NLGN1: variants seen among roughly 807,000 people sequenced by gnomAD.
The protein encoded by NLGN1 is neuroligin 1, also known as neuroligin-1.
In NLGN1, 12 loss-of-function variants were observed where a neutral mutation model predicts 65.5. The observed-to-expected ratio is 0.18, with a 90% CI of 0.12 to 0.30. The LOEUF (loss-of-function observed/expected upper bound fraction) is 0.30, where lower values mean the gene tolerates loss of function less well. NLGN1 is among the 10% of genes least tolerant of loss of function. The pLI is 1.00. For synonymous variants in NLGN1, 350 were observed against 359.5 expected, an observed-to-expected ratio of 0.97 and a Z score of 0.30; for missense variants, 750 against 1,007.1, an observed-to-expected ratio of 0.74 and a Z score of 3.46.
At chr3:174,106,780 T>G (rs570760192) in intron 4 of NLGN1, among the ~76,000 whole-genome samples, 84 of 152,124 alleles carry the variant, frequency 5.5e-4, no homozygotes, top group Middle Eastern at 3.4e-3. Flanking sequence ...AGCCCCACTC[T>G]GAAGGCCTAA....
chr3:174,001,326 A>AT (rs1723248415), intron 4 of NLGN1, among the ~76,000 whole-genome samples: 2 of 151,686 alleles, frequency 1.3e-5, no homozygotes, highest in South Asian at 2.1e-4. Context: ...TTAGAAACAG[A>AT]TTTTTTTCTT....
rs996450274 is a variant in NLGN1, at chr3:173,920,441, C to T, written c.646+112609C>T. The T allele has an allele frequency of 2.0e-5, 3 of 152,154 alleles. No individual in the cohort carries two copies. In the East Asian group the frequency reaches 5.8e-4, roughly 29 times the overall value. 9.4% of individuals were successfully genotyped at this position (152,154 alleles called of 1,614,324 possible). A position where few individuals can be genotyped will look rare whatever the true frequency, so the allele number is the denominator to read the frequency against. ...CATCATATAAGAAAAATAGAAGACA[C>T]AGTCTGGCACAAAGTTTACTCAAAT... On this transcript the variant is annotated intron_variant, in intron 4 of 6. Transcript: ENST00000457714.
At position 173,724,876 on chromosome 3, in the gene NLGN1, C is replaced by T. The variant is rs62289918; in HGVS notation, c.494-82804C>T. Among the ~76,000 whole-genome samples, 5 of 152,264 alleles carry T rather than the reference C, an allele frequency of 3.3e-5. No individual in the cohort carries two copies. In the East Asian group the frequency reaches 9.7e-4, roughly 29 times the overall value. On this transcript the variant is annotated intron_variant, in intron 3 of 6. Coordinates refer to ENST00000457714, the Ensembl canonical transcript of NLGN1. ...CCATAAAAATGCATGAGTTCATGTCCTTTGTAGGGACATGGACGAAGCTGA... is the reference window on the plus strand; with the variant it reads ...CCATAAAAATGCATGAGTTCATGTCTTTTGTAGGGACATGGACGAAGCTGA...
At chr3:174,238,984 G>A (rs1742281255) in intron 4 of NLGN1, among the ~76,000 whole-genome samples, 1 of 152,034 alleles carries the variant, frequency 6.6e-6, no homozygotes, top group African/African-American at 2.4e-5. Context: ...TTGACTACCT[G>A]GGAGCTCATT....
chr3:174,012,441 C>A (rs780267191), intron 4 of NLGN1, among the ~76,000 whole-genome samples: 1 of 152,124 alleles, frequency 6.6e-6, no homozygotes, highest in Admixed American at 6.6e-5. Context: ...TCAAAAGGCA[C>A]AAGCCCTTAC....
intron 3 of NLGN1, among the ~76,000 whole-genome samples, chr3:173,756,823 GA>G (rs143107052): frequency 0.018 from 2,689 of 145,762 alleles, 63 homozygotes; most frequent in African/African-American, 0.059. Context: ...ACCTACGGTA[GA>G]AAAAAAAACA....
chr3:174,076,716 AGAGAGAGAGTGT>A (rs1253773292), intron 4 of NLGN1, among the ~76,000 whole-genome samples: 697 of 130,062 alleles, frequency 5.4e-3, no homozygotes, highest in African/African-American at 0.015. Context: ...AGAGAGAGAG[AGAGAGAGAGTGT>A]GTGTGTGTGT....
At chr3:174,269,326 T>G (rs912633295) in intron 4 of NLGN1, among the ~76,000 whole-genome samples, 1 of 151,988 alleles carries the variant, frequency 6.6e-6, no homozygotes, top group Non-Finnish European at 1.5e-5. Context: ...CATTAAATAC[T>G]AATTCCCCCT....
At chr3:174,127,072 G>A (rs1006534961) in intron 4 of NLGN1, among the ~76,000 whole-genome samples, 2 of 152,030 alleles carry the variant, frequency 1.3e-5, no homozygotes, top group Non-Finnish European at 2.9e-5. Context: ...TATAGGTTAT[G>A]TTTGACACCA....
At chr3:174,024,775 C>T (rs1728522057) in intron 4 of NLGN1, among the ~76,000 whole-genome samples, 1 of 152,154 alleles carries the variant, frequency 6.6e-6, no homozygotes, top group African/African-American at 2.4e-5. Context: ...CTTTTATCTG[C>T]TCATTGACAA....
intron 4 of NLGN1, among the ~76,000 whole-genome samples, chr3:174,062,567 A>G (rs1367364445): frequency 6.6e-6 from 1 of 152,084 alleles, no homozygotes. Context: ...TCTAAAAAAA[A>G]ACACTAATTA....
intron 2 of NLGN1, among the ~76,000 whole-genome samples, chr3:173,599,440 A>G (rs1750074672): frequency 6.6e-6 from 1 of 152,128 alleles, no homozygotes; most frequent in Non-Finnish European, 1.5e-5. Context: ...ACTAGTGTAT[A>G]TGAAACATTT....
chr3:174,288,205 T>C (rs117098285), downstream of NLGN1, among the ~76,000 whole-genome samples: 145 of 151,682 alleles, frequency 9.6e-4, 2 homozygotes, highest in East Asian at 0.013. Flanking sequence ...ATTAGTGAAT[T>C]CTATTGAGCC....
intron 4 of NLGN1, among the ~76,000 whole-genome samples, chr3:174,074,929 A>G (rs1248076057): frequency 6.6e-6 from 1 of 152,186 alleles, no homozygotes; most frequent in African/African-American, 2.4e-5. Flanking sequence ...TGTGATTGCT[A>G]GTATATAACA....
intron 2 of NLGN1, among the ~76,000 whole-genome samples, chr3:173,502,718 C>T (rs1731354498): frequency 6.6e-6 from 1 of 151,908 alleles, no homozygotes; most frequent in Non-Finnish European, 1.5e-5. Flanking sequence ...TGTAGAGCAA[C>T]TGGGAAAGAG....
At chr3:174,147,273 T>C (rs1723454928) in intron 4 of NLGN1, among the ~76,000 whole-genome samples, 1 of 152,030 alleles carries the variant, frequency 6.6e-6, no homozygotes, top group Admixed American at 6.6e-5. Flanking sequence ...AAAGTGAGGC[T>C]ACCTGGAGTC....
intron 4 of NLGN1, among the ~76,000 whole-genome samples, chr3:174,157,359 T>C (rs1345051334): frequency 6.6e-6 from 1 of 151,822 alleles, no homozygotes; most frequent in Non-Finnish European, 1.5e-5. Flanking sequence ...ATAAACAGTG[T>C]GGTATATTTT....
intron 4 of NLGN1, among the ~76,000 whole-genome samples, chr3:174,243,077 G>A (rs1257724670): frequency 6.6e-6 from 1 of 152,078 alleles, no homozygotes; most frequent in Non-Finnish European, 1.5e-5. Context: ...ATGATATGTT[G>A]GAGTTATTCA....
At chr3:173,800,863 TA>T (rs1215197696) in intron 3 of NLGN1, among the ~76,000 whole-genome samples, 1 of 152,004 alleles carries the variant, frequency 6.6e-6, no homozygotes, top group African/African-American at 2.4e-5. Flanking sequence ...TATTTTAATG[TA>T]AAAAATACTG....
Sources: gnomAD v4.1 joint callset for allele counts (sites outside exome capture counted in the v4.1 genomes callset) on GRCh38, gnomAD v4.1.1 for gene constraint, MANE v1.5 for transcripts, NCBI Gene and HGNC (gene_info 2026-07-23, HGNC 2026-07-21) for gene names.